LRRTM4: variants seen among roughly 807,000 people sequenced by gnomAD.
LRRTM4 encodes the protein leucine-rich repeat transmembrane neuronal protein 4.
LRRTM4 carries 25 observed loss-of-function variants against 47.6 expected under a neutral mutation model. That is an observed-to-expected ratio of 0.53 (90% CI 0.38 to 0.73). The LOEUF is 0.73. Ranked by LOEUF, LRRTM4 falls within the 30% of genes least tolerant of loss-of-function variation. The pLI, the probability that LRRTM4 is intolerant of heterozygous loss-of-function variation, is 0.00. For synonymous variants in LRRTM4, 311 were observed against 269.5 expected, an observed-to-expected ratio of 1.15 and a Z score of -1.51; for missense variants, 638 against 713.4, an observed-to-expected ratio of 0.89 and a Z score of 1.20.
chr2:77,452,624 C>T (rs1394489749), intron 3 of LRRTM4, among the ~76,000 whole-genome samples: 1 of 152,192 alleles, frequency 6.6e-6, no homozygotes, highest in Admixed American at 6.5e-5. Flanking sequence ...GGATCCCGCA[C>T]TTGGTTTATT....
chr2:77,321,719 A>G (rs1231044512), intron 3 of LRRTM4, among the ~76,000 whole-genome samples: 2 of 152,154 alleles, frequency 1.3e-5, no homozygotes. Flanking sequence ...TAACATTAGC[A>G]GGAAAGGAGT....
At chr2:77,313,979 A>G (rs560751528) in intron 3 of LRRTM4, among the ~76,000 whole-genome samples, 2 of 152,348 alleles carry the variant, frequency 1.3e-5, no homozygotes, top group South Asian at 4.1e-4. Context: ...GGGAATCATT[A>G]TGCCCAGTTT....
chr2:77,005,223 C>T (rs1016654931), intron 3 of LRRTM4, among the ~76,000 whole-genome samples: 27 of 152,260 alleles, frequency 1.8e-4, no homozygotes, highest in South Asian at 8.3e-4. Context: ...CAGCTCACTG[C>T]AACCTCTGCT....
chr2:76,896,865 G>A (rs1252107647), intron 3 of LRRTM4, among the ~76,000 whole-genome samples: 1 of 148,680 alleles, frequency 6.7e-6, no homozygotes, highest in Non-Finnish European at 1.5e-5. Context: ...CTAAAAGATA[G>A]AGTTAAATAA....
intron 3 of LRRTM4, among the ~76,000 whole-genome samples, chr2:76,872,784 T>C (rs938485172): frequency 1.3e-5 from 2 of 151,870 alleles, no homozygotes; most frequent in Non-Finnish European, 2.9e-5. Context: ...AGAACCCTCC[T>C]GAATAGCTTG....
chr2:76,822,013 A>T (rs1223745261), intron 3 of LRRTM4, among the ~76,000 whole-genome samples: 2 of 151,646 alleles, frequency 1.3e-5, no homozygotes, highest in Non-Finnish European at 3.0e-5. Flanking sequence ...AACTGAATAA[A>T]TGTTTATTGA....
At chr2:77,353,685 T>TTTATTATTATTATTA (rs58919757) in intron 3 of LRRTM4, among the ~76,000 whole-genome samples, 2 of 151,250 alleles carry the variant, frequency 1.3e-5, no homozygotes, top group South Asian at 4.2e-4. Flanking sequence ...TGCTGCTTAA[T>TTTATTATTATTATTA]TTATTATTAT....
intron 3 of LRRTM4, among the ~76,000 whole-genome samples, chr2:76,778,707 A>T (rs1674175685): frequency 6.6e-6 from 1 of 151,014 alleles, no homozygotes; most frequent in African/African-American, 2.4e-5. Flanking sequence ...CTTTCAAAAA[A>T]CCAGCTCCTG....
chr2:77,201,147 C>T (rs945096637), intron 3 of LRRTM4, among the ~76,000 whole-genome samples: 2 of 151,802 alleles, frequency 1.3e-5, no homozygotes, highest in African/African-American at 4.8e-5. Flanking sequence ...AAAGTATGAA[C>T]AATAATATAG....
chr2:77,365,238 A>G (rs1406036166), intron 3 of LRRTM4, among the ~76,000 whole-genome samples: 1 of 152,056 alleles, frequency 6.6e-6, no homozygotes, highest in Non-Finnish European at 1.5e-5. Flanking sequence ...TCTCAGAGAA[A>G]TGCTGCAGTC....
intron 3 of LRRTM4, among the ~76,000 whole-genome samples, chr2:77,193,060 C>T (rs1284437400): frequency 6.6e-6 from 1 of 152,120 alleles, no homozygotes; most frequent in African/African-American, 2.4e-5. Context: ...ATGTCTACTG[C>T]TTAGTGACAT....
chr2:76,830,883 A>G (rs942309630), intron 3 of LRRTM4, among the ~76,000 whole-genome samples: 1 of 152,072 alleles, frequency 6.6e-6, no homozygotes, highest in African/African-American at 2.4e-5. Context: ...GTTATTATTT[A>G]TCTCTGACCT....
intron 3 of LRRTM4, among the ~76,000 whole-genome samples, chr2:76,884,659 C>A (rs1673019822): frequency 6.6e-6 from 1 of 151,960 alleles, no homozygotes. Context: ...ACAAAACAAA[C>A]TTAGGCATGG....
intron 3 of LRRTM4, among the ~76,000 whole-genome samples, chr2:77,292,840 A>T (rs1427065999): frequency 6.6e-6 from 1 of 151,666 alleles, no homozygotes; most frequent in Non-Finnish European, 1.5e-5. Context: ...TAAAACTTAA[A>T]GTATAATAAT....
In LRRTM4 at chr2:77,519,278, G is replaced by C. The variant is rs772577333; in HGVS notation, c.591C>G (p.Ser197=). The stretch of plus-strand genomic sequence containing the variant: ...TCAAGAGGCCAGCAAATGCATTTCG[G>C]GACAAGCTTCGAAGACGATTGTAAC... ...DLGYNRLRSL[S]RNAFAGLLKL... The change falls in exon 3 of 4, where the codon TCC becomes TCG. Residue 197 remains serine, a synonymous_variant. Coordinates refer to ENST00000409884, the MANE Select transcript of LRRTM4 (RefSeq NM_001134745.3). The surrounding 1 kb of genome is among the most constrained non-coding windows in gnomAD (Gnocchi z 4.6). The C allele has an allele frequency of 2.5e-6, 4 of 1,613,370 alleles. No homozygotes were observed. The highest frequency in any genetic ancestry group is 2.5e-6 in the Non-Finnish European group (3 of 1,179,590).
chr2:76,802,908 A>AT (rs1368043183), intron 3 of LRRTM4, among the ~76,000 whole-genome samples: 1 of 152,138 alleles, frequency 6.6e-6, no homozygotes, highest in Non-Finnish European at 1.5e-5. Flanking sequence ...TTGCAGAAAA[A>AT]TGAAATTAGA....
intron 3 of LRRTM4, among the ~76,000 whole-genome samples, chr2:77,411,463 T>TTG (rs1674425865): frequency 7.0e-6 from 1 of 143,034 alleles, no homozygotes; most frequent in South Asian, 2.3e-4. Flanking sequence ...TTTTTTTTTT[T>TTG]TTTTTTTGAG....
intron 3 of LRRTM4, among the ~76,000 whole-genome samples, chr2:76,826,710 C>T (rs1413953361): frequency 6.6e-6 from 1 of 151,694 alleles, no homozygotes; most frequent in African/African-American, 2.4e-5. Context: ...GCCATAAAAG[C>T]AGAAATAAAA....
intron 3 of LRRTM4, among the ~76,000 whole-genome samples, chr2:77,340,239 G>A (rs1174683983): frequency 3.3e-5 from 5 of 151,756 alleles, no homozygotes; most frequent in African/African-American, 1.2e-4. Flanking sequence ...ACATAGAGTG[G>A]TGGTTGAGAA....
Sources: allele counts gnomAD v4.1 joint callset (sites outside exome capture counted in the v4.1 genomes callset), GRCh38; gene constraint gnomAD v4.1.1; non-coding constraint Gnocchi (gnomAD v3.1); transcripts MANE v1.5; gene names NCBI Gene and HGNC (gene_info 2026-07-23, HGNC 2026-07-21).